The following CD163L1 variants were observed in gnomAD, a reference collection of about 807,000 sequenced individuals.
The protein encoded by CD163L1 is scavenger receptor cysteine-rich type 1 protein M160.
Under a neutral mutation model 165.4 loss-of-function variants are expected in CD163L1, and 124 were observed. That is an observed-to-expected ratio of 0.75 (90% CI 0.65 to 0.87). The LOEUF is 0.87. CD163L1 is among the 40% of genes least tolerant of loss of function. CD163L1 has a pLI of 0.00. For missense variants in CD163L1, 1,525 were observed against 1,799.9 expected, an observed-to-expected ratio of 0.85 and a Z score of 2.76; for synonymous variants, 585 against 662.2, an observed-to-expected ratio of 0.88 and a Z score of 1.79.
chr12:7,386,224 G>T (rs1251166145), intron 8 of CD163L1, among the ~76,000 whole-genome samples: 1 of 151,836 alleles, frequency 6.6e-6, no homozygotes, highest in Non-Finnish European at 1.5e-5. Flanking sequence ...CTAGAAGAAA[G>T]GATAAATTCC....
intron 4 of CD163L1, among the ~76,000 whole-genome samples, chr12:7,427,528 G>A (rs886419601): frequency 2.0e-5 from 3 of 152,106 alleles, no homozygotes; most frequent in Non-Finnish European, 4.4e-5. Context: ...TGAGTGGGAA[G>A]AAACTTTGGG....
chr12:7,337,775 T>C, the CD163L1 span, among the ~76,000 whole-genome samples: 1 of 152,210 alleles, frequency 6.6e-6, no homozygotes, highest in African/African-American at 2.4e-5. Flanking sequence ...CTCAAGGATC[T>C]AGAACCAGAA....
At chr12:7,384,039 CA>C (rs1464182480) in intron 8 of CD163L1, among the ~76,000 whole-genome samples, 1 of 150,814 alleles carries the variant, frequency 6.6e-6, no homozygotes, top group Non-Finnish European at 1.5e-5. Context: ...GTGAAACACA[CA>C]AAAAAACACA....
intron 4 of CD163L1, among the ~76,000 whole-genome samples, chr12:7,414,011 G>C (rs934520092): frequency 6.6e-6 from 1 of 152,076 alleles, no homozygotes; most frequent in Admixed American, 6.6e-5. Flanking sequence ...TAGAGGAAAT[G>C]ACTTATTCAA....
chr12:7,346,185 T>C (rs1173670639), downstream of CD163L1, among the ~76,000 whole-genome samples: 1 of 151,658 alleles, frequency 6.6e-6, no homozygotes, highest in African/African-American at 2.4e-5. Flanking sequence ...TTCCTTGGGG[T>C]GTGTATTACT....
chr12:7,416,366 T>C (rs893627413), intron 4 of CD163L1, among the ~76,000 whole-genome samples: 3 of 152,216 alleles, frequency 2.0e-5, no homozygotes, highest in African/African-American at 7.2e-5. Context: ...ATTTTGTAGG[T>C]TGACTATTCA....
At chr12:7,420,994 T>C (rs1455678042) in intron 4 of CD163L1, among the ~76,000 whole-genome samples, 7 of 133,790 alleles carry the variant, frequency 5.2e-5, no homozygotes, top group South Asian at 2.3e-4. Flanking sequence ...GGTATATATA[T>C]ACATATATAT....
intron 18 of CD163L1, among the ~76,000 whole-genome samples, chr12:7,363,790 G>A (rs369841974): frequency 6.1e-5 from 9 of 146,796 alleles, no homozygotes; most frequent in Non-Finnish European, 6.0e-5. Flanking sequence ...ATAATAATAA[G>A]AAAAAAAAAA....
At chr12:7,323,147 C>G in the CD163L1 span, 1 of 1,313,090 alleles carries the variant, frequency 7.6e-7, no homozygotes, top group Non-Finnish European at 1.1e-6. Flanking sequence ...GAAAATCAGT[C>G]AAAATCAAAT....
intron 4 of CD163L1, among the ~76,000 whole-genome samples, chr12:7,411,321 A>AT (rs1288903366): frequency 1.3e-5 from 2 of 152,148 alleles, no homozygotes; most frequent in Non-Finnish European, 2.9e-5. Flanking sequence ...CAGTACCCAA[A>AT]TTATGATTAC....
chr12:7,414,959 C>T (rs748722637), intron 4 of CD163L1, among the ~76,000 whole-genome samples: 26 of 152,068 alleles, frequency 1.7e-4, no homozygotes, highest in Admixed American at 5.2e-4. Flanking sequence ...TGCTAAATAA[C>T]GAAATTTCAA....
At chr12:7,394,110 AAAAC>A (rs1344586148) in intron 8 of CD163L1, among the ~76,000 whole-genome samples, 1 of 144,784 alleles carries the variant, frequency 6.9e-6, no homozygotes, top group Non-Finnish European at 1.5e-5. Flanking sequence ...CAAAAACAAA[AAAAC>A]AAAAAAAAAA....
rs367967267 is a variant in CD163L1 at position 7,441,192 on chromosome 12, A to G, written c.86T>C (p.Ile29Thr). ...GAGAAAGCAGGAATTCAGGAGCAGG[A>G]TGCAAGTTACCACAGCAGAGAAAAG... The part of the protein sequence containing the change: ...QNLFSAVVTC[I>T]LLLNSCFLIS... Residue 29 changes from isoleucine to threonine, a missense_variant, in exon 2 of 20, where the codon ATC (isoleucine) becomes ACC (threonine). Physicochemically the swap from Ile to Thr is moderately conservative, Grantham distance 89 (BLOSUM62 -1). Transcript: ENST00000313599. 18 of 1,614,138 alleles carry G rather than the reference A, an allele frequency of 1.1e-5. No individual in the cohort carries two copies. Among genetic ancestry groups the G allele is most frequent in the Non-Finnish European group, 1.5e-5 (18 of 1,179,988 alleles).
Position 7,403,548 on chromosome 12 carries a change from T to A in CD163L1, c.1395A>T (p.Gly465=), listed in dbSNP as rs753731316. 6.2e-7 allele frequency: 1 copy of A among 1,612,576 alleles called. No individual in the cohort carries two copies. The highest frequency in any genetic ancestry group is 8.5e-7 in the Non-Finnish European group (1 of 1,179,252). ...KRTCFRRSDA[G]VICSDKADLD... Reference sequence around the variant, plus strand: ...TTTGAACCTTACCAGAACAAATTACTCCAGCATCTGATCTTCGGAAGCATG... The same window carrying A: ...TTTGAACCTTACCAGAACAAATTACACCAGCATCTGATCTTCGGAAGCATG... Residue 465 remains glycine, a synonymous_variant, in exon 6 of 20, where the codon GGA becomes GGT. Coordinates refer to ENST00000313599, the MANE Select transcript of CD163L1 (RefSeq NM_174941.6).
At chr12:7,442,154 A>C (rs971393282) in intron 1 of CD163L1, among the ~76,000 whole-genome samples, 4 of 152,242 alleles carry the variant, frequency 2.6e-5, no homozygotes, top group Admixed American at 6.5e-5. Context: ...AATAATATTT[A>C]TCATCCTGTT....
intron 1 of CD163L1, among the ~76,000 whole-genome samples, chr12:7,441,618 C>T (rs79425732): frequency 1.2e-4 from 18 of 152,110 alleles, no homozygotes; most frequent in Admixed American, 6.5e-5. Context: ...TTCCTCCTAA[C>T]GTTATCCCCC....
downstream of CD163L1, among the ~76,000 whole-genome samples, chr12:7,351,411 C>T (rs2136364706): frequency 6.6e-6 from 1 of 152,194 alleles, no homozygotes; most frequent in Non-Finnish European, 1.5e-5. Context: ...CTGGTAAGGG[C>T]TTTCTTTCTG....
At chr12:7,439,827 G>GTCC (rs1169924509) in intron 2 of CD163L1, 15 of 1,613,054 alleles carry the variant, frequency 9.3e-6, no homozygotes, top group Non-Finnish European at 1.3e-5. Context: ...CATCCTCTCC[G>GTCC]TCCTCCTCAC....
At chr12:7,327,375 G>A in the CD163L1 span, among the ~76,000 whole-genome samples, 7 of 152,112 alleles carry the variant, frequency 4.6e-5, no homozygotes, top group African/African-American at 1.7e-4. Context: ...AAACACAGTG[G>A]CAAAGAATTG....
Sources: gnomAD v4.1 joint callset for allele counts (sites outside exome capture counted in the v4.1 genomes callset) on GRCh38, gnomAD v4.1.1 for gene constraint, MANE v1.5 for transcripts, NCBI Gene and HGNC (gene_info 2026-07-23, HGNC 2026-07-21) for gene names.